Variants in SPATA17 observed in about 807,000 individuals in gnomAD.
SPATA17 encodes the protein spermatogenesis-associated protein 17.
A neutral mutation model predicts 62.2 loss-of-function variants in SPATA17; 53 were observed. The ratio of observed to expected loss-of-function variants is 0.85; its 90% CI spans 0.68 to 1.07. The LOEUF is 1.07. SPATA17 is among the 50% of genes least tolerant of loss of function. SPATA17 has a pLI of 0.00. For synonymous variants in SPATA17, 146 were observed against 146.8 expected (o/e 0.99, Z 0.04); for missense variants, 466 against 425.5 (o/e 1.10, Z -0.84).
intron 9 of SPATA17, among the ~76,000 whole-genome samples, chr1:217,825,480 C>T (rs1446852943): frequency 6.6e-6 from 1 of 151,768 alleles, no homozygotes; most frequent in Admixed American, 6.6e-5. Flanking sequence ...ATATTCTACA[C>T]ATGAATTTGC....
intron 8 of SPATA17, among the ~76,000 whole-genome samples, chr1:217,801,484 A>G (rs970022409): frequency 1.3e-5 from 2 of 152,204 alleles, no homozygotes; most frequent in Non-Finnish European, 2.9e-5. Context: ...CTTGAGACTC[A>G]CAAAAATTCT....
chr1:217,724,842 T>G (rs1672227299), intron 5 of SPATA17, among the ~76,000 whole-genome samples: 1 of 152,046 alleles, frequency 6.6e-6, no homozygotes, highest in African/African-American at 2.4e-5. Context: ...ATTAGTTTAT[T>G]TTTTTTCCCT....
At chr1:217,688,589 T>G (rs114124276) in intron 5 of SPATA17, among the ~76,000 whole-genome samples, 1 of 152,170 alleles carries the variant, frequency 6.6e-6, no homozygotes, top group Non-Finnish European at 1.5e-5. Context: ...TCTGAATGTC[T>G]TATCAATTTT....
chr1:217,741,509 A>G (rs1672624174), intron 5 of SPATA17, among the ~76,000 whole-genome samples: 1 of 152,194 alleles, frequency 6.6e-6, no homozygotes, highest in Non-Finnish European at 1.5e-5. Context: ...CCTACAATAA[A>G]TTAAGTGTAT....
At chr1:217,701,319 ATATATATGTGTG>A (rs1034389500) in intron 5 of SPATA17, among the ~76,000 whole-genome samples, 66 of 150,374 alleles carry the variant, frequency 4.4e-4, no homozygotes, top group African/African-American at 1.5e-3. Flanking sequence ...GTGTGTGTGT[ATATATATGTGTG>A]TATATATGTG....
At chr1:217,864,769 A>G (rs968436818) in intron 10 of SPATA17, among the ~76,000 whole-genome samples, 1 of 152,172 alleles carries the variant, frequency 6.6e-6, no homozygotes, top group Admixed American at 6.6e-5. Flanking sequence ...TCTATCAATT[A>G]CAAAAACATC....
At chr1:217,699,921 A>C (rs1206561626) in intron 5 of SPATA17, among the ~76,000 whole-genome samples, 1 of 152,046 alleles carries the variant, frequency 6.6e-6, no homozygotes, top group African/African-American at 2.4e-5. Flanking sequence ...TGAAGAGGCT[A>C]TCTTTCCTTC....
chr1:217,835,176 G>A (rs1675232853), intron 9 of SPATA17, among the ~76,000 whole-genome samples: 1 of 152,084 alleles, frequency 6.6e-6, no homozygotes, highest in South Asian at 2.1e-4. Context: ...AGGACCATGT[G>A]ACTATATGAG....
chr1:217,784,078 T>C (rs1431030000), intron 8 of SPATA17, among the ~76,000 whole-genome samples: 1 of 152,108 alleles, frequency 6.6e-6, no homozygotes, highest in Non-Finnish European at 1.5e-5. Flanking sequence ...ATTATTAGAA[T>C]TGAAACACTG....
chr1:217,701,916 A>G (rs1189312361), intron 5 of SPATA17, among the ~76,000 whole-genome samples: 1 of 151,616 alleles, frequency 6.6e-6, no homozygotes, highest in Admixed American at 6.6e-5. Context: ...TGATGACTGT[A>G]TTTTTCAATT....
chr1:217,844,894 G>A (rs1346954227), intron 9 of SPATA17, among the ~76,000 whole-genome samples: 2 of 152,040 alleles, frequency 1.3e-5, no homozygotes, highest in Non-Finnish European at 2.9e-5. Context: ...TTGTGTGGGT[G>A]GGGGAGGCTG....
At chr1:217,806,351 G>C (rs1039376051) in intron 9 of SPATA17, among the ~76,000 whole-genome samples, 3 of 152,106 alleles carry the variant, frequency 2.0e-5, no homozygotes, top group African/African-American at 7.2e-5. Context: ...GGGTCATCCT[G>C]CCCCACAGAA....
chr1:217,740,193 A>C (rs982247096), intron 5 of SPATA17, among the ~76,000 whole-genome samples: 2 of 137,470 alleles, frequency 1.5e-5, no homozygotes, highest in African/African-American at 5.0e-5. Flanking sequence ...TTTCATATTT[A>C]TTAAATTATT....
intron 9 of SPATA17, 46 bp downstream of exon 9, chr1:217,801,896 A>G (rs1571814749): frequency 1.3e-6 from 2 of 1,514,680 alleles, no homozygotes; most frequent in African/African-American, 2.8e-5. Context: ...TTTAAAAGCT[A>G]GAAATATACA....
chr1:217,739,634 C>T (rs1482700610), intron 5 of SPATA17: 1 of 151,750 alleles, frequency 6.6e-6, no homozygotes, highest in Admixed American at 6.6e-5. Flanking sequence ...GAATGGTTTC[C>T]ATCCTTTTAT....
chr1:217,846,792 A>G (rs12048425), intron 9 of SPATA17, among the ~76,000 whole-genome samples: 2 of 151,974 alleles, frequency 1.3e-5, no homozygotes, highest in African/African-American at 4.8e-5. Flanking sequence ...AAGCAACATT[A>G]TAAGAGTGGT....
chr1:217,866,184 A>G (rs754376997), intron 10 of SPATA17, among the ~76,000 whole-genome samples: 1 of 152,198 alleles, frequency 6.6e-6, no homozygotes, highest in Non-Finnish European at 1.5e-5. Context: ...AAGAAAAATT[A>G]TTAAATTTTG....
chr1:217,632,438 TGACA>T (rs2102870770), intron 1 of SPATA17, among the ~76,000 whole-genome samples: 1 of 152,308 alleles, frequency 6.6e-6, no homozygotes, highest in African/African-American at 2.4e-5. Flanking sequence ...TACAGTGACA[TGACA>T]GACCAATGGA....
intron 1 of SPATA17, among the ~76,000 whole-genome samples, chr1:217,639,794 G>T (rs1318186019): frequency 6.6e-6 from 1 of 151,870 alleles, no homozygotes; most frequent in Non-Finnish European, 1.5e-5. Context: ...TCTTTTTCCA[G>T]CTTCTAATAT....
Sources: allele counts gnomAD v4.1 joint callset (sites outside exome capture counted in the v4.1 genomes callset), GRCh38; gene constraint gnomAD v4.1.1; transcripts MANE v1.5; gene names NCBI Gene and HGNC (gene_info 2026-07-23, HGNC 2026-07-21).